The following DNAI4 variants were observed in gnomAD, a reference collection of about 807,000 sequenced individuals.
The protein encoded by DNAI4 is WD repeat domain 78.
A neutral mutation model predicts 105.8 loss-of-function variants in DNAI4; 85 were observed. The observed-to-expected ratio is 0.80, with a 90% CI of 0.67 to 0.96. The LOEUF (loss-of-function observed/expected upper bound fraction) is 0.96, where lower values mean the gene tolerates loss of function less well. Ranked by LOEUF, DNAI4 falls within the 40% of genes least tolerant of loss-of-function variation. The probability of loss-of-function intolerance (pLI) is 0.00; values close to 1 mark genes in which losing one functional copy is unlikely to be tolerated. For missense variants in DNAI4, 1,014 were observed against 1,005.6 expected (o/e 1.01, Z -0.11); for synonymous variants, 352 against 331.5 (o/e 1.06, Z -0.67).
chr1:66,913,079 A>G (rs1649781044), intron 1 of DNAI4, among the ~76,000 whole-genome samples: 2 of 152,152 alleles, frequency 1.3e-5, no homozygotes, highest in African/African-American at 4.8e-5. Context: ...CTTGCTTCCA[A>G]CAGGGAAAAT....
At chr1:66,837,104 G>A (rs896338544) in intron 10 of DNAI4, among the ~76,000 whole-genome samples, 5 of 152,058 alleles carry the variant, frequency 3.3e-5, no homozygotes, top group African/African-American at 7.2e-5. Context: ...GGTGGCTCAC[G>A]CCCGTAATCC....
intron 1 of DNAI4, among the ~76,000 whole-genome samples, chr1:66,913,912 A>T (rs12034718): frequency 6.6e-6 from 1 of 150,992 alleles, no homozygotes; most frequent in Non-Finnish European, 1.5e-5. Flanking sequence ...AACCCGGAGC[A>T]GGCGGAGGTT....
intron 16 of DNAI4, among the ~76,000 whole-genome samples, chr1:66,821,288 A>C (rs1645621028): frequency 6.6e-6 from 1 of 151,844 alleles, no homozygotes; most frequent in African/African-American, 2.4e-5. Context: ...TAGTAGAGAC[A>C]GAGTTTCACC....
At chr1:66,845,981 T>G (rs1374012793) in intron 8 of DNAI4, among the ~76,000 whole-genome samples, 1 of 152,168 alleles carries the variant, frequency 6.6e-6, no homozygotes, top group African/African-American at 2.4e-5. Flanking sequence ...ATTTTCAAAA[T>G]GTATTTTTAT....
At chr1:66,908,863 A>G (rs1287638458) in intron 1 of DNAI4, among the ~76,000 whole-genome samples, 1 of 151,966 alleles carries the variant, frequency 6.6e-6, no homozygotes, top group Non-Finnish European at 1.5e-5. Context: ...CTCCTCTCAC[A>G]TTTTCACTCT....
chr1:66,916,926 A>G (rs1650114500), intron 1 of DNAI4, among the ~76,000 whole-genome samples: 1 of 152,186 alleles, frequency 6.6e-6, no homozygotes, highest in South Asian at 2.1e-4. Context: ...GGTTAAATGA[A>G]TGACTTATTT....
At chr1:66,852,076 T>C (rs1200085631) in intron 7 of DNAI4, among the ~76,000 whole-genome samples, 2 of 151,960 alleles carry the variant, frequency 1.3e-5, no homozygotes, top group African/African-American at 2.4e-5. Flanking sequence ...TAGTAGTTAC[T>C]ACAGATCCTA....
At chr1:66,907,068 TTAAC>T (rs748332365) in intron 1 of DNAI4, 1 of 152,192 alleles carries the variant, frequency 6.6e-6, no homozygotes, top group Non-Finnish European at 1.5e-5. Flanking sequence ...AATCCTTCCT[TTAAC>T]TATGTCTTCC....
At chr1:66,829,716 AC>A (rs1645828591) in intron 13 of DNAI4, among the ~76,000 whole-genome samples, 1 of 152,188 alleles carries the variant, frequency 6.6e-6, no homozygotes, top group Non-Finnish European at 1.5e-5. Context: ...AGCCAATTTA[AC>A]CTGAATGACA....
At chr1:66,878,700 C>A (rs1002817047) in intron 4 of DNAI4, among the ~76,000 whole-genome samples, 1 of 152,058 alleles carries the variant, frequency 6.6e-6, no homozygotes, top group African/African-American at 2.4e-5. Flanking sequence ...TCTAGCTTCC[C>A]TTCTTGCTTT....
chr1:66,823,132 C>T, intron 15 of DNAI4, among the ~76,000 whole-genome samples: 2 of 130,642 alleles, frequency 1.5e-5, no homozygotes, highest in African/African-American at 2.7e-5. Flanking sequence ...TTGTTCAGTT[C>T]CCACCTACGA....
At chr1:66,827,068 A>G (rs1645771548) in intron 14 of DNAI4, 22 bp from the exon 15 acceptor site, 2 of 1,548,130 alleles carry the variant, frequency 1.3e-6, no homozygotes, top group African/African-American at 1.4e-5. Context: ...AAAAAAATAC[A>G]TAGGTAAATA....
At chr1:66,883,589 A>T (rs1480591450) in intron 4 of DNAI4, among the ~76,000 whole-genome samples, 3 of 152,200 alleles carry the variant, frequency 2.0e-5, no homozygotes, top group African/African-American at 7.2e-5. Context: ...AATCTGCATG[A>T]ACTTTATTCC....
At chr1:66,839,400 T>C (rs1646099995) in intron 9 of DNAI4, among the ~76,000 whole-genome samples, 1 of 152,198 alleles carries the variant, frequency 6.6e-6, no homozygotes. Context: ...AAATAATGTG[T>C]TATTTAGGTT....
intron 8 of DNAI4, among the ~76,000 whole-genome samples, chr1:66,841,690 C>T (rs919242240): frequency 6.6e-6 from 1 of 152,092 alleles, no homozygotes; most frequent in African/African-American, 2.4e-5. Context: ...CTCTTTTCTA[C>T]ATATGCCACA....
intron 4 of DNAI4, among the ~76,000 whole-genome samples, chr1:66,886,209 C>T (rs1187442168): frequency 6.6e-6 from 1 of 152,112 alleles, no homozygotes; most frequent in Non-Finnish European, 1.5e-5. Context: ...TAATTTTCAT[C>T]TCTCTGCTGA....
chr1:66,832,522 G>A (rs867576162), intron 13 of DNAI4, among the ~76,000 whole-genome samples: 1 of 152,148 alleles, frequency 6.6e-6, no homozygotes. Context: ...GGCTGGGAAA[G>A]GTAGTTGGGG....
At chr1:66,841,710 T>G (rs531302220) in intron 8 of DNAI4, among the ~76,000 whole-genome samples, 1 of 152,252 alleles carries the variant, frequency 6.6e-6, no homozygotes, top group African/African-American at 2.4e-5. Flanking sequence ...ATATGTGAGT[T>G]GAATGAGAAA....
At chr1:66,817,500 G>A (rs1645542311) in intron 16 of DNAI4, among the ~76,000 whole-genome samples, 2 of 151,924 alleles carry the variant, frequency 1.3e-5, no homozygotes, top group African/African-American at 4.8e-5. Flanking sequence ...TTGATCCCAA[G>A]AGTTTGAGGC....
Sources: gnomAD v4.1 joint callset for allele counts (sites outside exome capture counted in the v4.1 genomes callset) on GRCh38, gnomAD v4.1.1 for gene constraint, MANE v1.5 for transcripts, NCBI Gene and HGNC (gene_info 2026-07-23, HGNC 2026-07-21) for gene names.